PPP2R5C: variants seen among roughly 807,000 people sequenced by gnomAD.
PPP2R5C encodes protein phosphatase 2 regulatory subunit B'gamma, also known as serine/threonine-protein phosphatase 2A 56 kDa regulatory subunit gamma isoform.
In PPP2R5C, 7 loss-of-function variants were observed where a neutral mutation model predicts 68.9. The observed-to-expected ratio is 0.10, with a 90% CI of 0.06 to 0.19. PPP2R5C has a LOEUF of 0.19. Ranked by LOEUF, PPP2R5C falls within the 10% of genes least tolerant of loss-of-function variation. The pLI, the probability that PPP2R5C is intolerant of heterozygous loss-of-function variation, is 1.00. For missense variants in PPP2R5C, 348 were observed against 641.3 expected (o/e 0.54, Z 4.94); for synonymous variants, 210 against 222.2 (o/e 0.95, Z 0.49).
At chr14:101,830,952 T>C (rs1413030594) in intron 1 of PPP2R5C, among the ~76,000 whole-genome samples, 1 of 152,234 alleles carries the variant, frequency 6.6e-6, no homozygotes, top group Non-Finnish European at 1.5e-5. Context: ...TTTGCAGGTA[T>C]TGGAGCTTTA....
chr14:101,830,593 A>T (rs1212301874), intron 1 of PPP2R5C, among the ~76,000 whole-genome samples: 1 of 152,200 alleles, frequency 6.6e-6, no homozygotes, highest in Non-Finnish European at 1.5e-5. Context: ...ACTCTGCTCT[A>T]AACACTCATC....
At chr14:101,865,931 T>C (rs1322045743) in intron 2 of PPP2R5C, among the ~76,000 whole-genome samples, 3 of 152,224 alleles carry the variant, frequency 2.0e-5, no homozygotes, top group African/African-American at 2.4e-5. Flanking sequence ...AGACAGAGTC[T>C]TTCTCTGTCG....
At position 101,899,689 on chromosome 14, in the gene PPP2R5C, G is replaced by A. The variant is rs1438265962; in HGVS notation, c.853-2030G>A. Among the ~76,000 whole-genome samples the A allele has an allele frequency of 3.3e-5, 5 of 152,184 alleles. No homozygotes were observed. The highest frequency in any genetic ancestry group is 1.2e-4 in the African/African-American group (5 of 41,442). On this transcript the variant is annotated intron_variant, in intron 8 of 13. Coordinates refer to ENST00000334743, the Ensembl canonical transcript of PPP2R5C. The surrounding 1 kb of genome is among the most constrained non-coding windows in gnomAD (Gnocchi z 4.2). ...GACAAATGAAGAGAAATAGATGTAGGAAGTGATTTCCATCTGCTGTGTCCT... is the reference window on the plus strand; with the variant it reads ...GACAAATGAAGAGAAATAGATGTAGAAAGTGATTTCCATCTGCTGTGTCCT...
At chr14:101,925,335 A>C in exon 14 of PPP2R5C, 1 of 1,595,868 alleles carries the variant, frequency 6.3e-7, no homozygotes, top group Non-Finnish European at 8.5e-7. Context: ...TAGAAAATAC[A>C]TACTTCCTGT....
At chr14:101,892,936 C>T in intron 6 of PPP2R5C, 64 bp from the exon 9 acceptor site, 1 of 1,247,128 alleles carries the variant, frequency 8.0e-7, no homozygotes, top group East Asian at 2.4e-5. Context: ...TGAAAGACGG[C>T]AAGATATTTG....
At chr14:101,816,139 A>G (rs2039652759) in intron 1 of PPP2R5C, among the ~76,000 whole-genome samples, 2 of 152,246 alleles carry the variant, frequency 1.3e-5, no homozygotes, top group South Asian at 4.1e-4. Context: ...AGCAGACGTT[A>G]TACCCAAGTG....
At chr14:101,761,848 CAGGCGGCGGCAG>C, upstream of PPP2R5C, 1 of 1,037,698 alleles carries the variant, frequency 9.6e-7, no homozygotes, top group Non-Finnish European at 1.2e-6. Context: ...GCTGCGGGGG[CAGGCGGCGGCAG>C]GGGCGGCGGC....
At chr14:101,842,249 A>G (rs528659277) in intron 1 of PPP2R5C, among the ~76,000 whole-genome samples, 59 of 152,312 alleles carry the variant, frequency 3.9e-4, no homozygotes, top group African/African-American at 1.4e-3. Flanking sequence ...CAGCCATATT[A>G]CAGTCGTGTT....
intron 11 of PPP2R5C, among the ~76,000 whole-genome samples, chr14:101,910,864 AG>A: frequency 6.6e-6 from 1 of 152,200 alleles, no homozygotes; most frequent in South Asian, 2.1e-4. Flanking sequence ...GCACTTTGGG[AG>A]GCCAAAGCAG....
At chr14:101,883,031 T>C in intron 3 of PPP2R5C, 1 of 468,344 alleles carries the variant, frequency 2.1e-6, no homozygotes, top group Non-Finnish European at 3.8e-6. Context: ...GAGATCATTT[T>C]GTTTAAATGC....
At chr14:101,816,882 T>A (rs1315930401) in intron 1 of PPP2R5C, among the ~76,000 whole-genome samples, 6 of 131,968 alleles carry the variant, frequency 4.5e-5, no homozygotes, top group South Asian at 2.2e-4. Flanking sequence ...ATATATATAT[T>A]ATATATATAT....
chr14:101,878,116 C>T (rs893282386), intron 2 of PPP2R5C, among the ~76,000 whole-genome samples: 2 of 152,248 alleles, frequency 1.3e-5, no homozygotes, highest in Non-Finnish European at 2.9e-5. Flanking sequence ...CGAGCAAGTG[C>T]AGAGAAGGCG....
Position 101,882,811 on chromosome 14 carries a change from G to A in PPP2R5C, c.406-446G>A, listed in dbSNP as rs1378072817. On this transcript the variant is annotated intron_variant, in intron 3 of 13. Coordinates refer to ENST00000334743, the Ensembl canonical transcript of PPP2R5C. The surrounding 1 kb of genome is among the most constrained non-coding windows in gnomAD (Gnocchi z 4.9). ...GAAAGAATTGTCCCAGCTCCAGGAG[G>A]TCATGATTCTGGGTCCACATCTTAG... 6.1e-6 allele frequency: 1 copy of A among 165,090 alleles called. No homozygotes were observed. Among genetic ancestry groups the A allele is most frequent in the South Asian group, 1.7e-4 (1 of 5,950 alleles). The allele number at this position is 165,090 out of a possible 1,614,324, so 10.2% of individuals were successfully genotyped here. A position where few individuals can be genotyped will look rare whatever the true frequency, so the allele number is the denominator to read the frequency against.
At chr14:101,836,579 G>A (rs2041117172) in intron 1 of PPP2R5C, 2 of 531,812 alleles carry the variant, frequency 3.8e-6, no homozygotes, top group African/African-American at 1.9e-5. Flanking sequence ...TTAAATGCCT[G>A]GGGTGTTGCA....
intron 5 of PPP2R5C, among the ~76,000 whole-genome samples, chr14:101,889,034 C>A (rs1037122006): frequency 9.9e-5 from 15 of 152,194 alleles, no homozygotes; most frequent in African/African-American, 2.9e-4. Flanking sequence ...CTGTGAAAAT[C>A]CTCCTTCAGT....
In PPP2R5C at chr14:101,925,140, G is replaced by C; in HGVS notation, c.1444-1G>C. The C allele has an allele frequency of 6.2e-7, 1 of 1,613,954 alleles. No individual in the cohort carries two copies. The highest frequency in any genetic ancestry group is 8.5e-7 in the Non-Finnish European group (1 of 1,179,936). ...CAACGCCATTGCATTTCTAATTCCA[G>C]GCACAGAAAGATCCGAAGAAGGACC... On this transcript the variant is annotated splice_acceptor_variant, in intron 13 of 13. Transcript: ENST00000334743. LOFTEE classifies it high-confidence loss of function.
chr14:101,876,187 A>G (rs2043765092), intron 2 of PPP2R5C, among the ~76,000 whole-genome samples: 1 of 152,238 alleles, frequency 6.6e-6, no homozygotes, highest in Non-Finnish European at 1.5e-5. Context: ...TGCCCTTCCC[A>G]GAAATGTATC....
Position 101,823,314 on chromosome 14 carries a change from T to G in PPP2R5C, c.94+13278T>G, listed in dbSNP as rs150190454. ...ACCCGGGCCGAGCAGTTCAGAGCAG[T>G]GAAATTAAAGCATCAGCCGCCAATG... On this transcript the variant is annotated intron_variant, in intron 1 of 13. Transcript: ENST00000334743. Among the ~76,000 whole-genome samples, 20 of 152,272 alleles carry G rather than the reference T, an allele frequency of 1.3e-4. No homozygotes were observed. The East Asian group carries it at 3.3e-3, about 25-fold the overall frequency.
chr14:101,850,889 G>A (rs1347640940), intron 1 of PPP2R5C, among the ~76,000 whole-genome samples: 1 of 152,208 alleles, frequency 6.6e-6, no homozygotes, highest in African/African-American at 2.4e-5. Context: ...GGACATAGAG[G>A]GGAGTGGAAT....
Sources: allele counts gnomAD v4.1 joint callset (sites outside exome capture counted in the v4.1 genomes callset), GRCh38; gene constraint gnomAD v4.1.1; non-coding constraint Gnocchi (gnomAD v3.1); transcripts MANE v1.5; gene names NCBI Gene and HGNC (gene_info 2026-07-23, HGNC 2026-07-21).